The following EFHB variants were observed in gnomAD, a reference collection of about 807,000 sequenced individuals.
The protein encoded by EFHB is EF-hand domain-containing family member B.
EFHB carries 91 observed loss-of-function variants against 87.2 expected under a neutral mutation model. That is an observed-to-expected ratio of 1.04 (90% CI 0.88 to 1.24). The LOEUF is 1.24. Among genes scored for constraint, EFHB ranks in the 50% most tolerant of loss-of-function variants. The pLI, the probability that EFHB is intolerant of heterozygous loss-of-function variation, is 0.00. For synonymous variants in EFHB, 325 were observed against 333.6 expected (o/e 0.97, Z 0.28); for missense variants, 1,084 against 998.8 (o/e 1.09, Z -1.15).
At chr3:19,930,516 G>A (rs536705300) in intron 1 of EFHB, among the ~76,000 whole-genome samples, 12 of 152,164 alleles carry the variant, frequency 7.9e-5, no homozygotes, top group African/African-American at 2.7e-4. Flanking sequence ...TAACCCATTC[G>A]CTCTTCAGTA....
intron 1 of EFHB, among the ~76,000 whole-genome samples, chr3:19,924,989 T>G (rs1471207716): frequency 6.6e-6 from 1 of 152,132 alleles, no homozygotes; most frequent in African/African-American, 2.4e-5. Context: ...CTCACACCTG[T>G]AATCCCAGCA....
Position 19,884,637 on chromosome 3 carries a change from G to A in EFHB, c.1934-22C>T, listed in dbSNP as rs1559443689. ...CTACCTTTAAGGAAAATAAATGAAA[G>A]AAAAAATGCAGGAATACATTACTAC... On this transcript the variant is annotated intron_variant, in intron 10 of 12. Coordinates refer to ENST00000295824, the MANE Select transcript of EFHB (RefSeq NM_144715.4). 9.4e-6 allele frequency: 15 copies of A among 1,599,670 alleles called. No homozygotes were observed. In the Admixed American group the frequency reaches 1.6e-4, roughly 17 times the overall value.
intron 1 of EFHB, chr3:19,940,633 C>A (rs1027775812): frequency 2.5e-6 from 1 of 406,008 alleles, no homozygotes; most frequent in Non-Finnish European, 4.9e-6. Flanking sequence ...CTGGACCACA[C>A]ATTTAATGTC....
intron 8 of EFHB, among the ~76,000 whole-genome samples, chr3:19,898,374 T>C (rs1475011192): frequency 6.6e-6 from 1 of 152,220 alleles, no homozygotes; most frequent in African/African-American, 2.4e-5. Flanking sequence ...CCTGAGATTC[T>C]GCATTTCTAA....
At chr3:19,906,771 A>G (rs73046020) in intron 5 of EFHB, among the ~76,000 whole-genome samples, 28,073 of 151,914 alleles carry the variant, frequency 0.18, 3,362 homozygotes, top group Non-Finnish European at 0.27. Flanking sequence ...ATTAGGAAAA[A>G]GAAAAAAGTT....
At chr3:19,935,950 C>A (rs1696004203), upstream of EFHB, among the ~76,000 whole-genome samples, 2 of 122,406 alleles carry the variant, frequency 1.6e-5, no homozygotes, top group Admixed American at 1.1e-4. Context: ...GCGGAGGTTG[C>A]AGTAAGCCGA....
rs1408799790 is a variant in EFHB at position 19,908,586 on chromosome 3, GAGAGAGAGAGAGAGAA to G, written c.1289-2853_1289-2838del. 1.7e-3 allele frequency among the ~76,000 whole-genome samples: 176 copies of G among 101,554 alleles called. 1 individual carries two copies. Among genetic ancestry groups the G allele is most frequent in the African/African-American group, 6.2e-3 (145 of 23,472 alleles). 66.6% of individuals were successfully genotyped at this position (101,554 alleles called of 152,430 possible). A position where few individuals can be genotyped will look rare whatever the true frequency, so the allele number is the denominator to read the frequency against. On this transcript the variant is annotated intron_variant, in intron 5 of 12. Transcript: ENST00000295824. ...AAAGAGAGAGAGAGAGAGAGAGAGA[GAGAGAGAGAGAGAGAA>G]AGAAAGAAAGAAAGAAAGAAAGAAA...
upstream of EFHB, among the ~76,000 whole-genome samples, chr3:19,935,607 G>A (rs2125169748): frequency 6.6e-6 from 1 of 152,186 alleles, no homozygotes; most frequent in Middle Eastern, 3.4e-3. Context: ...AGCTACTCAG[G>A]AGGCTGAGGC....
In EFHB at chr3:19,919,804, T is replaced by C. The variant is rs544155915; in HGVS notation, c.996+29A>G. 87 of 1,593,634 alleles carry C rather than the reference T, an allele frequency of 5.5e-5. No individual in the cohort carries two copies. The East Asian group carries it at 1.4e-3, about 25-fold the overall frequency. ...CATTTTCACCTTGGTAAATTAATAA[T>C]GTACAAGGAAAAAAAGAAAATAACT... On this transcript the variant is annotated intron_variant, in intron 3 of 12. Transcript: ENST00000295824.
Position 19,934,116 on chromosome 3 carries a change from C to T in EFHB, c.-98G>A. 1 of 1,467,802 alleles carries T rather than the reference C, an allele frequency of 6.8e-7. No individual in the cohort carries two copies. Among genetic ancestry groups the T allele is most frequent in the Non-Finnish European group, 9.0e-7 (1 of 1,115,968 alleles). The allele number at this position is 1,467,802 out of a possible 1,614,324, so 90.9% of individuals were successfully genotyped here. A position where few individuals can be genotyped will look rare whatever the true frequency, so the allele number is the denominator to read the frequency against. On this transcript the variant is annotated 5_prime_UTR_variant, in exon 1 of 13. Coordinates refer to ENST00000295824, the MANE Select transcript of EFHB (RefSeq NM_144715.4). ...GACGCCTCCAATCCCTTGCGGAACCCCTCTCTCAGGAAAGAGCACAACCTC... is the reference window on the plus strand; with the variant it reads ...GACGCCTCCAATCCCTTGCGGAACCTCTCTCTCAGGAAAGAGCACAACCTC...
chr3:19,934,381 GTTTCTCTCTGC>G, upstream of EFHB, among the ~76,000 whole-genome samples: 1 of 74,498 alleles, frequency 1.3e-5, no homozygotes, highest in South Asian at 4.8e-4. Context: ...TCTCTCCTCT[GTTTCTCTCTGC>G]CCCCCCTTCT....
intron 9 of EFHB, among the ~76,000 whole-genome samples, chr3:19,890,067 C>T (rs1694251970): frequency 6.6e-6 from 1 of 152,150 alleles, no homozygotes; most frequent in South Asian, 2.1e-4. Flanking sequence ...CGGGATGTGG[C>T]TGTTGAATCA....
At position 19,898,906 on chromosome 3, in the gene EFHB, AAT is replaced by A. The variant is rs1694575773; in HGVS notation, c.1503-63_1503-62del. 9.1e-6 allele frequency: 14 copies of A among 1,546,814 alleles called. No homozygotes were observed. The South Asian group carries it at 1.2e-4, about 14-fold the overall frequency. On this transcript the variant is annotated intron_variant, in intron 7 of 12. Coordinates refer to ENST00000295824, the MANE Select transcript of EFHB (RefSeq NM_144715.4). The stretch of plus-strand genomic sequence containing the variant: ...ACCACATGGCATCTCTGGAATTTAA[AAT>A]ATGTTTGCCATATGTTCTTAGTAGC...
intron 1 of EFHB, among the ~76,000 whole-genome samples, chr3:19,928,967 C>A (rs2125162964): frequency 6.6e-6 from 1 of 151,104 alleles, no homozygotes; most frequent in East Asian, 2.0e-4. Context: ...TGACCACACA[C>A]AAGGATTAAA....
At chr3:19,940,618 G>A (rs558826523) in intron 1 of EFHB, 31 of 460,578 alleles carry the variant, frequency 6.7e-5, no homozygotes, top group South Asian at 4.5e-4. Context: ...GTACTATTCA[G>A]CCTCCTGGAC....
At chr3:19,905,596 T>C (rs760754526) in intron 6 of EFHB, 24 bp downstream of exon 6, 2 of 1,606,860 alleles carry the variant, frequency 1.2e-6, no homozygotes, top group East Asian at 2.2e-5. Flanking sequence ...CACTTGTTCC[T>C]GGGCACAGTA....
chr3:19,919,179 C>G (rs980051407), intron 3 of EFHB, among the ~76,000 whole-genome samples: 1 of 151,928 alleles, frequency 6.6e-6, no homozygotes, highest in African/African-American at 2.4e-5. Flanking sequence ...AGGCAAGTCA[C>G]CAAGACAGTC....
chr3:19,905,924 G>A (rs1369338095), intron 5 of EFHB, among the ~76,000 whole-genome samples, 175 bp from the exon 6 acceptor site: 1 of 152,192 alleles, frequency 6.6e-6, no homozygotes, highest in African/African-American at 2.4e-5. Context: ...TCCCCCATGT[G>A]AGCTGGGAGA....
rs1440378125 is a variant in EFHB, at chr3:19,939,879, A to G, written c.-31-3545T>C. Among the ~76,000 whole-genome samples, 4 of 152,184 alleles carry G rather than the reference A, an allele frequency of 2.6e-5. No homozygotes were observed. The East Asian group carries it at 7.7e-4, about 29-fold the overall frequency. On this transcript the variant is annotated intron_variant, in intron 1 of 14. Coordinates refer to the EFHB transcript ENST00000344838. ...ACCACTGTAAAACCGAACAATTGAT[A>G]TTGAACTGGCATGGATGACACTCTG...
Sources: gnomAD v4.1 joint callset for allele counts (sites outside exome capture counted in the v4.1 genomes callset) on GRCh38, gnomAD v4.1.1 for gene constraint, MANE v1.5 for transcripts, NCBI Gene and HGNC (gene_info 2026-07-23, HGNC 2026-07-21) for gene names.